NRXN1: variants seen among roughly 807,000 people sequenced by gnomAD.
NRXN1 encodes the protein neurexin 1.
In NRXN1, 39 loss-of-function variants were observed where a neutral mutation model predicts 150.9. The ratio of observed to expected loss-of-function variants is 0.26; its 90% CI spans 0.20 to 0.34. The LOEUF is 0.34. Ranked by LOEUF, NRXN1 falls within the 10% of genes least tolerant of loss-of-function variation. NRXN1 has a pLI of 1.00. For missense variants in NRXN1, 1,815 were observed against 1,949.9 expected (o/e 0.93, Z 1.30); for synonymous variants, 924 against 757.0 (o/e 1.22, Z -3.62).
chr2:50,472,259 A>T, intron 16 of NRXN1, 39 bp downstream of exon 16: 1 of 1,473,274 alleles, frequency 6.8e-7, no homozygotes, highest in Non-Finnish European at 9.1e-7. Context: ...GACAGGTGGA[A>T]TTAGAATTAT....
chr2:50,979,140 C>T (rs1696372108), intron 2 of NRXN1: 2 of 395,106 alleles, frequency 5.1e-6, no homozygotes, highest in Non-Finnish European at 1.0e-5. Flanking sequence ...TATTTAAAAC[C>T]TTGATATAGC....
intron 8 of NRXN1, among the ~76,000 whole-genome samples, chr2:50,560,495 CAATA>C (rs1234115542): frequency 6.6e-6 from 1 of 151,900 alleles, no homozygotes; most frequent in African/African-American, 2.4e-5. Context: ...GGCTGGAGTG[CAATA>C]ATGCAACTAT....
chr2:50,203,972 A>G (rs1040053268), intron 18 of NRXN1, among the ~76,000 whole-genome samples: 2 of 152,170 alleles, frequency 1.3e-5, no homozygotes, highest in Non-Finnish European at 2.9e-5. Flanking sequence ...TTTAACGCCA[A>G]TACTGTGTAA....
chr2:49,957,655 C>G (rs971907456), intron 21 of NRXN1, among the ~76,000 whole-genome samples: 4 of 152,184 alleles, frequency 2.6e-5, no homozygotes, highest in African/African-American at 9.7e-5. Context: ...TTCTCTCTAG[C>G]TACACGATGT....
chr2:50,448,518 G>A (rs186848504), intron 17 of NRXN1, among the ~76,000 whole-genome samples: 28 of 152,304 alleles, frequency 1.8e-4, no homozygotes, highest in East Asian at 1.2e-3. Context: ...ACTAGGAAAC[G>A]TGAAAGGAAC....
At chr2:50,061,937 G>T (rs1694599856) in intron 19 of NRXN1, among the ~76,000 whole-genome samples, 1 of 152,172 alleles carries the variant, frequency 6.6e-6, no homozygotes, top group South Asian at 2.1e-4. Context: ...AAGTATTTTT[G>T]ACAGGAGGAA....
At chr2:50,976,194 CT>C (rs576892115) in intron 2 of NRXN1, among the ~76,000 whole-genome samples, 12,112 of 139,650 alleles carry the variant, frequency 0.087, 790 homozygotes, top group East Asian at 0.2. Flanking sequence ...TTATGTTATT[CT>C]TTTTTTTTTT....
intron 5 of NRXN1, among the ~76,000 whole-genome samples, chr2:50,902,735 A>C (rs1683130703): frequency 1.3e-5 from 2 of 152,174 alleles, no homozygotes; most frequent in Admixed American, 6.5e-5. Flanking sequence ...TTACTGTGTA[A>C]TGTGAAAAAG....
At chr2:50,201,706 C>G (rs566669623) in intron 18 of NRXN1, among the ~76,000 whole-genome samples, 1 of 152,204 alleles carries the variant, frequency 6.6e-6, no homozygotes, top group Non-Finnish European at 1.5e-5. Flanking sequence ...ATTATCCTCA[C>G]TGTTTTTAAG....
intron 5 of NRXN1, among the ~76,000 whole-genome samples, chr2:50,795,465 A>T (rs1183772396): frequency 2.0e-5 from 3 of 152,002 alleles, no homozygotes; most frequent in African/African-American, 7.2e-5. Context: ...CCAACCTGGA[A>T]GATTGCATTT....
chr2:50,639,482 A>C (rs1472103541), intron 5 of NRXN1, among the ~76,000 whole-genome samples: 1 of 151,564 alleles, frequency 6.6e-6, no homozygotes. Flanking sequence ...CAGCCTCCCA[A>C]AGTGCTAAGA....
intron 21 of NRXN1, among the ~76,000 whole-genome samples, chr2:49,967,100 T>A (rs1483816794): frequency 6.6e-6 from 1 of 152,098 alleles, no homozygotes; most frequent in Non-Finnish European, 1.5e-5. Context: ...TGACACACAG[T>A]GCATCTATGA....
intron 2 of NRXN1, among the ~76,000 whole-genome samples, chr2:50,991,958 A>C (rs1401785109): frequency 6.6e-6 from 1 of 152,030 alleles, no homozygotes; most frequent in African/African-American, 2.4e-5. Flanking sequence ...TCATAAAGCT[A>C]TAAAAGAAAG....
At chr2:50,211,100 AT>A (rs1213733892) in intron 18 of NRXN1, among the ~76,000 whole-genome samples, 3 of 151,634 alleles carry the variant, frequency 2.0e-5, no homozygotes, top group African/African-American at 7.2e-5. Flanking sequence ...CTTGAAAAAA[AT>A]TTAAAAGTGG....
At chr2:49,960,308 A>C (rs1376505080) in intron 21 of NRXN1, among the ~76,000 whole-genome samples, 1 of 152,220 alleles carries the variant, frequency 6.6e-6, no homozygotes, top group Non-Finnish European at 1.5e-5. Context: ...TAGCAACCAG[A>C]AACCACAAAA....
At chr2:50,025,285 A>C (rs897910580) in intron 21 of NRXN1, among the ~76,000 whole-genome samples, 1 of 152,224 alleles carries the variant, frequency 6.6e-6, no homozygotes, top group Admixed American at 6.5e-5. Flanking sequence ...ACGGCTTTAC[A>C]ATCAGTCCCA....
intron 2 of NRXN1, among the ~76,000 whole-genome samples, chr2:50,930,275 C>A (rs923686744): frequency 6.6e-6 from 1 of 152,158 alleles, no homozygotes; most frequent in East Asian, 1.9e-4. Flanking sequence ...CCTGGCATCA[C>A]ACTAGAAACA....
chr2:50,069,816 G>A (rs2152664407), intron 19 of NRXN1, among the ~76,000 whole-genome samples: 1 of 150,314 alleles, frequency 6.7e-6, no homozygotes, highest in Non-Finnish European at 1.5e-5. Context: ...GAGGAAGGCA[G>A]ACATAGGTTA....
At chr2:50,682,801 T>C (rs184268597) in intron 5 of NRXN1, among the ~76,000 whole-genome samples, 29 of 152,152 alleles carry the variant, frequency 1.9e-4, no homozygotes, top group Admixed American at 3.3e-4. Flanking sequence ...CTCAGTAACA[T>C]AGGAAAAATT....
Sources: gnomAD v4.1 joint callset for allele counts (sites outside exome capture counted in the v4.1 genomes callset) on GRCh38, gnomAD v4.1.1 for gene constraint, MANE v1.5 for transcripts, NCBI Gene and HGNC (gene_info 2026-07-23, HGNC 2026-07-21) for gene names.